Variants in NXPH1 observed in about 807,000 individuals in gnomAD.
The protein encoded by NXPH1 is neurexophilin 1, also known as neurexophilin-1.
Under a neutral mutation model 23.7 loss-of-function variants are expected in NXPH1, and 5 were observed. The observed-to-expected ratio is 0.21, with a 90% CI of 0.11 to 0.44. NXPH1 has a LOEUF of 0.44. NXPH1 is among the 20% of genes least tolerant of loss of function. NXPH1 has a pLI of 0.99. For missense variants in NXPH1, 324 were observed against 321.6 expected, an observed-to-expected ratio of 1.01 and a Z score of -0.06; for synonymous variants, 144 against 122.2, an observed-to-expected ratio of 1.18 and a Z score of -1.18.
intron 2 of NXPH1, among the ~76,000 whole-genome samples, chr7:8,568,815 C>G (rs907016601): frequency 6.6e-6 from 1 of 151,698 alleles, no homozygotes; most frequent in Non-Finnish European, 1.5e-5. Flanking sequence ...TTTTCTAAAG[C>G]TAGAGACTTT....
intron 2 of NXPH1, among the ~76,000 whole-genome samples, chr7:8,614,342 C>T (rs1819686250): frequency 6.6e-6 from 1 of 151,798 alleles, no homozygotes; most frequent in African/African-American, 2.4e-5. Flanking sequence ...TCTCTAAATG[C>T]CTTCCAAAAG....
intron 2 of NXPH1, among the ~76,000 whole-genome samples, chr7:8,457,346 A>G (rs537538570): frequency 6.6e-6 from 1 of 152,248 alleles, no homozygotes; most frequent in Non-Finnish European, 1.5e-5. Flanking sequence ...CAACCCAGAG[A>G]TGCAATCTGT....
intron 2 of NXPH1, among the ~76,000 whole-genome samples, chr7:8,715,009 G>T (rs1301626265): frequency 6.6e-6 from 1 of 152,112 alleles, no homozygotes. Flanking sequence ...CACAGCACTA[G>T]GACTTGCCTA....
Position 8,575,500 on chromosome 7 carries a change from G to A in NXPH1, c.54+139733G>A, listed in dbSNP as rs115161287. On this transcript the variant is annotated intron_variant, in intron 2 of 2. Coordinates refer to ENST00000405863, the MANE Select transcript of NXPH1 (RefSeq NM_152745.3). ...AAAGCATAGAAATTCTTTTAAAAGA[G>A]TTGAAGTATATGAAATTACTTCTAC... 3.5e-3 allele frequency among the ~76,000 whole-genome samples: 529 copies of A among 152,242 alleles called. 10 individuals are homozygous for A. Among genetic ancestry groups the A allele is most frequent in the African/African-American group, 0.012 (493 of 41,544 alleles).
intron 2 of NXPH1, among the ~76,000 whole-genome samples, chr7:8,465,424 G>T (rs938476741): frequency 5.9e-5 from 9 of 152,158 alleles, no homozygotes; most frequent in African/African-American, 9.7e-5. Flanking sequence ...CCCCTGAAAG[G>T]CTTCCTTTTA....
intron 2 of NXPH1, among the ~76,000 whole-genome samples, chr7:8,596,045 C>T (rs1364265928): frequency 6.6e-6 from 1 of 152,042 alleles, no homozygotes; most frequent in Non-Finnish European, 1.5e-5. Context: ...ATGTACATGT[C>T]ACAGAAAACA....
Position 8,561,942 on chromosome 7 carries a change from A to C in NXPH1, c.54+126175A>C, listed in dbSNP as rs139842954. On this transcript the variant is annotated intron_variant, in intron 2 of 2. Transcript: ENST00000405863. ...ATTTAACAACATGATGTTTCGATAT[A>C]CATATACATAGTGAAACGGTTACTA... 5.5e-3 allele frequency among the ~76,000 whole-genome samples: 838 copies of C among 151,892 alleles called. 10 individuals are homozygous for C. The highest frequency in any genetic ancestry group is 0.019 in the African/African-American group (805 of 41,508).
intron 2 of NXPH1, among the ~76,000 whole-genome samples, chr7:8,483,965 C>CTTTTTTTTTTTTTTTTTTTTTTTTTTTT (rs60436502): frequency 7.6e-6 from 1 of 132,336 alleles, no homozygotes; most frequent in African/African-American, 3.1e-5. Flanking sequence ...CTCCCCCCAC[C>CTTTTTTTTTTTTTTTTTTTTTTTTTTTT]TTTTTTTTTT....
intron 2 of NXPH1, among the ~76,000 whole-genome samples, chr7:8,574,387 T>C (rs185814306): frequency 6.6e-6 from 1 of 152,264 alleles, no homozygotes; most frequent in African/African-American, 2.4e-5. Flanking sequence ...TAGCTGGGAC[T>C]CTGACTCGAA....
At chr7:8,518,166 G>A (rs1401741770) in intron 2 of NXPH1, among the ~76,000 whole-genome samples, 4 of 152,026 alleles carry the variant, frequency 2.6e-5, no homozygotes, top group Admixed American at 6.6e-5. Flanking sequence ...TATTACTAAA[G>A]GGTACAGGTC....
chr7:8,481,940 A>G (rs1817079905), intron 2 of NXPH1, among the ~76,000 whole-genome samples: 1 of 152,138 alleles, frequency 6.6e-6, no homozygotes, highest in Non-Finnish European at 1.5e-5. Flanking sequence ...GCTGACTAGC[A>G]CCTGATGCCC....
intron 2 of NXPH1, among the ~76,000 whole-genome samples, chr7:8,468,150 TA>T (rs1176906161): frequency 1.3e-5 from 2 of 152,054 alleles, no homozygotes; most frequent in Non-Finnish European, 2.9e-5. Flanking sequence ...ATAGAATAAA[TA>T]ATCAATATAA....
intron 2 of NXPH1, among the ~76,000 whole-genome samples, chr7:8,457,418 AGGGT>A (rs1419818292): frequency 6.6e-6 from 1 of 152,202 alleles, no homozygotes; most frequent in Non-Finnish European, 1.5e-5. Flanking sequence ...GCAAAGAATC[AGGGT>A]GCCTGTGACA....
At chr7:8,554,488 A>C (rs1368149547) in intron 2 of NXPH1, among the ~76,000 whole-genome samples, 1 of 151,710 alleles carries the variant, frequency 6.6e-6, no homozygotes, top group Admixed American at 6.6e-5. Flanking sequence ...AATGAGCTGC[A>C]GTCCTCTGTA....
rs148900362 is a variant in NXPH1 at position 8,665,204 on chromosome 7, G to A, written c.55-85804G>A. ...TTTTAAGTTGATTTTTGTAAATGGT[G>A]TAAGATAAGGATCTAATTTCCTAAT... On this transcript the variant is annotated intron_variant, in intron 2 of 2. Transcript: ENST00000405863. 8.1e-3 allele frequency among the ~76,000 whole-genome samples: 1,233 copies of A among 152,078 alleles called. 17 individuals carry two copies. The highest frequency in any genetic ancestry group is 0.028 in the African/African-American group (1,152 of 41,510).
At chr7:8,600,765 G>A (rs1819340661) in intron 2 of NXPH1, among the ~76,000 whole-genome samples, 1 of 152,030 alleles carries the variant, frequency 6.6e-6, no homozygotes, top group African/African-American at 2.4e-5. Context: ...GAACCACTTT[G>A]TTTTCATTAG....
At chr7:8,747,824 A>G (rs764352939) in intron 2 of NXPH1, among the ~76,000 whole-genome samples, 5 of 152,212 alleles carry the variant, frequency 3.3e-5, no homozygotes, top group Non-Finnish European at 7.4e-5. Flanking sequence ...TTACTGATTA[A>G]TGTTAGTTTT....
At chr7:8,513,105 A>G (rs1415752341) in intron 2 of NXPH1, among the ~76,000 whole-genome samples, 1 of 152,082 alleles carries the variant, frequency 6.6e-6, no homozygotes, top group Non-Finnish European at 1.5e-5. Context: ...GACATCATAG[A>G]AGAAGGAGGG....
chr7:8,575,851 G>A (rs1365960088), intron 2 of NXPH1, among the ~76,000 whole-genome samples: 2 of 151,814 alleles, frequency 1.3e-5, no homozygotes, highest in Admixed American at 1.3e-4. Context: ...GATATATTCT[G>A]CAGCCTGTTG....
Sources: gnomAD v4.1 joint callset for allele counts (sites outside exome capture counted in the v4.1 genomes callset) on GRCh38, gnomAD v4.1.1 for gene constraint, MANE v1.5 for transcripts, NCBI Gene and HGNC (gene_info 2026-07-23, HGNC 2026-07-21) for gene names.